The following ATP5MF variants were observed in gnomAD, a reference collection of about 807,000 sequenced individuals.
ATP5MF encodes ATP synthase F(0) complex subunit f, mitochondrial.
In ATP5MF, 10 loss-of-function variants were observed where a neutral mutation model predicts 13.8. The ratio of observed to expected loss-of-function variants is 0.72; its 90% CI spans 0.45 to 1.23. The LOEUF (loss-of-function observed/expected upper bound fraction) is 1.23, where lower values mean the gene tolerates loss of function less well. ATP5MF is among the 50% of genes most tolerant of loss of function. The pLI, the probability that ATP5MF is intolerant of heterozygous loss-of-function variation, is 0.00. For missense variants in ATP5MF, 122 were observed against 118.2 expected, an observed-to-expected ratio of 1.03 and a Z score of -0.15; for synonymous variants, 40 against 45.8, an observed-to-expected ratio of 0.87 and a Z score of 0.51.
Position 99,458,242 on chromosome 7 carries a change from G to C in ATP5MF, c.*85C>G. The C allele has an allele frequency of 7.2e-7, 1 of 1,382,310 alleles. No individual in the cohort carries two copies. Among genetic ancestry groups the C allele is most frequent in the African/African-American group, 1.4e-5 (1 of 69,918 alleles). 85.6% of individuals were successfully genotyped at this position (1,382,310 alleles called of 1,614,324 possible). A position where few individuals can be genotyped will look rare whatever the true frequency, so the allele number is the denominator to read the frequency against. On this transcript the variant is annotated 3_prime_UTR_variant, in exon 4 of 4. Transcript: ENST00000292475. ...GGTTAATTCCTATTAGGATATGAAA[G>C]GATTCAGCAACGATTGAGATTGTGT...
intron 1 of ATP5MF, among the ~76,000 whole-genome samples, chr7:99,465,258 T>C (rs1279685249): frequency 6.6e-6 from 1 of 150,498 alleles, no homozygotes; most frequent in Non-Finnish European, 1.5e-5. Flanking sequence ...AAACGCCATC[T>C]CAAAAAAAAA....
chr7:99,458,868 TCA>T (rs932752061), intron 3 of ATP5MF: 28 of 370,014 alleles, frequency 7.6e-5, no homozygotes, highest in Admixed American at 3.9e-4. Flanking sequence ...AGCCAAATTT[TCA>T]CAGTGTGCTG....
chr7:99,459,104 CCT>C, intron 3 of ATP5MF, 41 bp downstream of exon 3: 1 of 1,463,582 alleles, frequency 6.8e-7, no homozygotes, highest in Non-Finnish European at 9.6e-7. Context: ...TCACCACCAC[CCT>C]CTCATGGGAA....
chr7:99,460,366 A>C, intron 1 of ATP5MF, 173 bp from the exon 2 acceptor site: 1 of 774,552 alleles, frequency 1.3e-6, no homozygotes, highest in South Asian at 1.6e-5. Context: ...CACTATTTTA[A>C]GACTGAGTCT....
At chr7:99,465,972 G>A in intron 1 of ATP5MF, 139 bp downstream of exon 1, 2 of 1,453,686 alleles carry the variant, frequency 1.4e-6, no homozygotes, top group Non-Finnish European at 1.9e-6. Flanking sequence ...GCGGAGCGGG[G>A]TCTGGCGCGC....
At chr7:99,460,385 G>A in intron 1 of ATP5MF, 192 bp from the exon 2 acceptor site, 1 of 735,292 alleles carries the variant, frequency 1.4e-6, no homozygotes, top group Non-Finnish European at 2.4e-6. Context: ...CTATACAATA[G>A]CAGAACTGCT....
chr7:99,460,297 T>C (rs1798543028), intron 1 of ATP5MF, 104 bp from the exon 2 acceptor site: 4 of 1,278,166 alleles, frequency 3.1e-6, no homozygotes, highest in Non-Finnish European at 4.5e-6. Context: ...AGGTGCATAA[T>C]GCAATTACAC....
At chr7:99,460,353 G>C (rs1798544978) in intron 1 of ATP5MF, 160 bp from the exon 2 acceptor site, 1 of 829,556 alleles carries the variant, frequency 1.2e-6, no homozygotes. Context: ...GTCACATCAA[G>C]CCCACTATTT....
chr7:99,460,493 A>G (rs1348461877), intron 1 of ATP5MF: 1 of 620,772 alleles, frequency 1.6e-6, no homozygotes, highest in East Asian at 3.6e-5. Flanking sequence ...CGTGGCGGAC[A>G]GGAAAGATTA....
intron 1 of ATP5MF, among the ~76,000 whole-genome samples, chr7:99,464,731 C>T (rs572000636): frequency 6.6e-6 from 1 of 151,738 alleles, no homozygotes; most frequent in South Asian, 2.1e-4. Context: ...GAGGTCGAAG[C>T]AGGTGACTCA....
At chr7:99,459,673 C>T (rs1056036267) in intron 2 of ATP5MF, 12 of 240,268 alleles carry the variant, frequency 5.0e-5, no homozygotes, top group Non-Finnish European at 7.3e-5. Flanking sequence ...CTTGGCCTCC[C>T]GAAGTGCCGG....
intron 1 of ATP5MF, chr7:99,460,490 G>C (rs1279764453): frequency 1.6e-6 from 1 of 626,814 alleles, no homozygotes; most frequent in Admixed American, 1.8e-5. Context: ...TAACGTGGCG[G>C]ACAGGAAAGA....
At chr7:99,461,282 T>C (rs1259500894) in intron 1 of ATP5MF, among the ~76,000 whole-genome samples, 1 of 152,098 alleles carries the variant, frequency 6.6e-6, no homozygotes, top group Non-Finnish European at 1.5e-5. Context: ...CACAGCTCAC[T>C]GCAGCCTCAC....
At chr7:99,464,025 C>A (rs544993096) in intron 1 of ATP5MF, among the ~76,000 whole-genome samples, 223 of 152,318 alleles carry the variant, frequency 1.5e-3, no homozygotes, top group African/African-American at 5.2e-3. Context: ...CCAATTTCTT[C>A]ACCGGGGGTG....
rs371265823 is a variant in ATP5MF at position 99,458,284 on chromosome 7, C to T, written c.*43G>A. ...AGATTGTGTTCCTCACGGAGGGGCT[C>T]GGGCCAAGGTCGTGGGGTGGGGGGG... is the stretch of plus-strand genomic sequence containing the variant. On this transcript the variant is annotated 3_prime_UTR_variant, in exon 4 of 4. Transcript: ENST00000292475. 5.0e-5 allele frequency: 80 copies of T among 1,596,858 alleles called. No homozygotes were observed. The highest frequency in any genetic ancestry group is 1.8e-4 in the Middle Eastern group (1 of 5,422).
At chr7:99,458,570 T>C (rs1402854906) in intron 3 of ATP5MF, among the ~76,000 whole-genome samples, 1 of 152,042 alleles carries the variant, frequency 6.6e-6, no homozygotes, top group Admixed American at 6.5e-5. Context: ...CCACTTTCTT[T>C]CCAGAAGGAA....
chr7:99,460,922 G>A (rs984177478), intron 1 of ATP5MF, among the ~76,000 whole-genome samples: 2 of 152,066 alleles, frequency 1.3e-5, no homozygotes, highest in African/African-American at 4.8e-5. Flanking sequence ...CTGGGACCAC[G>A]GACACCAACA....
rs558445641 is a variant in ATP5MF at position 99,460,002 on chromosome 7, A to G, written c.139+84T>C. The stretch of plus-strand genomic sequence containing the variant: ...ACTGCTTTCAGACAACAAGGCCTTC[A>G]TTGCCCAAATTAATTCATGGCAAAA... On this transcript the variant is annotated intron_variant, in intron 2 of 3. Transcript: ENST00000292475. The G allele has an allele frequency of 7.3e-5, 107 of 1,471,988 alleles. No homozygotes were observed. In the Admixed American group the frequency reaches 2.4e-3, roughly 32 times the overall value. 91.2% of individuals were successfully genotyped at this position (1,471,988 alleles called of 1,614,324 possible). A position where few individuals can be genotyped will look rare whatever the true frequency, so the allele number is the denominator to read the frequency against.
In ATP5MF at chr7:99,458,966, T is replaced by C. The variant is rs1047271702; in HGVS notation, c.256+181A>G. ...TTCTCTTTGTCACAATTTTCTCATT[T>C]CAAACAATATCCCACATACTGTACT... On this transcript the variant is annotated intron_variant, in intron 3 of 3. Transcript: ENST00000292475. 5 of 568,182 alleles carry C rather than the reference T, an allele frequency of 8.8e-6. No homozygotes were observed. In the African/African-American group the frequency reaches 9.4e-5, roughly 11 times the overall value. 35.2% of individuals were successfully genotyped at this position (568,182 alleles called of 1,614,324 possible).
Sources: gnomAD v4.1 joint callset for allele counts (sites outside exome capture counted in the v4.1 genomes callset) on GRCh38, gnomAD v4.1.1 for gene constraint, MANE v1.5 for transcripts, NCBI Gene and HGNC (gene_info 2026-07-23, HGNC 2026-07-21) for gene names.